The following NALF1 variants were observed in gnomAD, a reference collection of about 807,000 sequenced individuals.
NALF1 encodes the protein NALCN channel auxiliary factor 1.
Under a neutral mutation model 48.4 loss-of-function variants are expected in NALF1, and 3 were observed. That is an observed-to-expected ratio of 0.06 (90% CI 0.03 to 0.16). The LOEUF (loss-of-function observed/expected upper bound fraction) is 0.16. Among genes scored for constraint, NALF1 ranks in the 10% least tolerant of loss-of-function variants. NALF1 has a pLI of 1.00. For synonymous variants in NALF1, 262 were observed against 245.7 expected (o/e 1.07, Z -0.62); for missense variants, 526 against 571.5 (o/e 0.92, Z 0.81).
intron 1 of NALF1, among the ~76,000 whole-genome samples, chr13:107,620,538 T>C (rs139840096): frequency 1.6e-3 from 250 of 152,296 alleles, no homozygotes; most frequent in African/African-American, 5.7e-3. Context: ...CTGGATTCCC[T>C]GGTATTGGCA....
chr13:107,212,444 A>C, intron 1 of NALF1, among the ~76,000 whole-genome samples: 1 of 152,208 alleles, frequency 6.6e-6, no homozygotes, highest in Non-Finnish European at 1.5e-5. Context: ...GAAACCTCTA[A>C]GAATTCTTAT....
At chr13:107,562,827 A>G (rs1877686885) in intron 1 of NALF1, among the ~76,000 whole-genome samples, 2 of 152,198 alleles carry the variant, frequency 1.3e-5, no homozygotes. Context: ...AGTGAGTGCT[A>G]TGAGTGCTCT....
At chr13:107,462,391 A>T (rs944754581) in intron 1 of NALF1, among the ~76,000 whole-genome samples, 3 of 152,254 alleles carry the variant, frequency 2.0e-5, no homozygotes, top group Non-Finnish European at 4.4e-5. Context: ...ATATTTGAAG[A>T]AATGTTAGAT....
chr13:107,447,793 C>T (rs1884674879), intron 1 of NALF1, among the ~76,000 whole-genome samples: 1 of 152,140 alleles, frequency 6.6e-6, no homozygotes, highest in Admixed American at 6.5e-5. Flanking sequence ...AGCCCAGAGT[C>T]ATTACATTCT....
intron 2 of NALF1, among the ~76,000 whole-genome samples, chr13:107,174,984 C>T (rs979335116): frequency 9.5e-5 from 14 of 148,048 alleles, no homozygotes; most frequent in Non-Finnish European, 1.6e-4. Flanking sequence ...CCCGGGTTCA[C>T]GCCATTCTCC....
At position 107,210,655 on chromosome 13, in the gene NALF1, G is replaced by A. The variant is rs1448875360; in HGVS notation, c.1016C>T (p.Thr339Met). Residue 339 changes from threonine (T) to methionine (M), a missense_variant, in exon 2 of 3, where the codon ACG becomes ATG. Physicochemically the swap from Thr to Met is moderately conservative, Grantham distance 81 (BLOSUM62 -1). Coordinates refer to ENST00000375915, the MANE Select transcript of NALF1 (RefSeq NM_001080396.3). ...PCKQYCLEVQ[T>M]RCPFILPDND... ...GTCGGGCAATATAAATGGACACCTC[G>A]TCTGAACCTCCAAACAGTATTGCTT... The A allele has an allele frequency of 2.5e-6, 4 of 1,612,400 alleles. No homozygotes were observed. The highest frequency in any genetic ancestry group is 2.2e-5 in the East Asian group (1 of 44,866).
At chr13:107,432,655 G>T (rs1427134054) in intron 1 of NALF1, among the ~76,000 whole-genome samples, 2 of 152,112 alleles carry the variant, frequency 1.3e-5, no homozygotes, top group East Asian at 3.9e-4. Flanking sequence ...TGAGGAAGGG[G>T]TGGCTCCAAA....
chr13:107,301,579 A>G (rs1450542316), intron 1 of NALF1, among the ~76,000 whole-genome samples: 1 of 152,222 alleles, frequency 6.6e-6, no homozygotes, highest in Admixed American at 6.5e-5. Flanking sequence ...TCCTCATCTG[A>G]AAATGAGAAT....
At chr13:107,824,429 C>A (rs1879452349) in intron 1 of NALF1, among the ~76,000 whole-genome samples, 1 of 152,172 alleles carries the variant, frequency 6.6e-6, no homozygotes, top group Non-Finnish European at 1.5e-5. Flanking sequence ...ATTTTCTTAG[C>A]TACCTGCATT....
chr13:107,299,109 T>C (rs1881783981), intron 1 of NALF1, among the ~76,000 whole-genome samples: 1 of 152,188 alleles, frequency 6.6e-6, no homozygotes, highest in African/African-American at 2.4e-5. Flanking sequence ...GTAGAATAGC[T>C]CTCATCTGGG....
At chr13:107,311,729 AAAAC>A (rs1229752404) in intron 1 of NALF1, among the ~76,000 whole-genome samples, 24 of 152,084 alleles carry the variant, frequency 1.6e-4, no homozygotes, top group Admixed American at 3.3e-4. Flanking sequence ...TACAAGAAAA[AAAAC>A]AAACAACCCC....
chr13:107,488,495 C>T (rs1170641856), intron 1 of NALF1, among the ~76,000 whole-genome samples: 1 of 151,904 alleles, frequency 6.6e-6, no homozygotes, highest in Admixed American at 6.6e-5. Context: ...GTGATTCATC[C>T]CATAAACAGA....
chr13:107,714,626 T>TAAAAAA (rs10633995), intron 1 of NALF1, among the ~76,000 whole-genome samples: 4 of 126,468 alleles, frequency 3.2e-5, no homozygotes, highest in Admixed American at 1.7e-4. Context: ...GAGGCTTTAT[T>TAAAAAA]AAAAAAAAAA....
chr13:107,683,892 C>T (rs57755500), intron 1 of NALF1, among the ~76,000 whole-genome samples: 3,765 of 152,276 alleles, frequency 0.025, 155 homozygotes, highest in African/African-American at 0.085. Context: ...CACATCAACC[C>T]AATACTGACT....
At chr13:107,512,629 G>GCTCA (rs1875929611) in intron 1 of NALF1, among the ~76,000 whole-genome samples, 1 of 152,152 alleles carries the variant, frequency 6.6e-6, no homozygotes, top group Non-Finnish European at 1.5e-5. Context: ...CAGGCAGGGA[G>GCTCA]GGGCAGCTCA....
intron 1 of NALF1, among the ~76,000 whole-genome samples, chr13:107,693,738 T>C (rs1423619902): frequency 1.1e-4 from 16 of 152,050 alleles, no homozygotes; most frequent in Non-Finnish European, 2.9e-5. Context: ...GAATCGAATA[T>C]AAAATGTTTC....
At chr13:107,210,285 C>T (rs1278804347) in intron 2 of NALF1, among the ~76,000 whole-genome samples, 5 of 152,162 alleles carry the variant, frequency 3.3e-5, no homozygotes, top group African/African-American at 1.2e-4. Context: ...TGAATCTAAC[C>T]TATACTAGGT....
At chr13:107,674,761 A>G (rs1881072104) in intron 1 of NALF1, among the ~76,000 whole-genome samples, 1 of 152,196 alleles carries the variant, frequency 6.6e-6, no homozygotes, top group Admixed American at 6.6e-5. Context: ...CACCATTTCA[A>G]AAGCATAGAA....
intron 1 of NALF1, among the ~76,000 whole-genome samples, chr13:107,635,587 C>T (rs185880989): frequency 1.6e-3 from 238 of 152,256 alleles, no homozygotes; most frequent in Non-Finnish European, 2.5e-3. Context: ...ATGCAAGCCA[C>T]TATTTACTAG....
Sources: allele counts gnomAD v4.1 joint callset (sites outside exome capture counted in the v4.1 genomes callset), GRCh38; gene constraint gnomAD v4.1.1; transcripts MANE v1.5; gene names NCBI Gene and HGNC (gene_info 2026-07-23, HGNC 2026-07-21).